Variants in THADA observed in about 807,000 individuals in gnomAD.
THADA encodes the protein tRNA (32-2'-O)-methyltransferase regulator THADA.
Under a neutral mutation model 219.8 loss-of-function variants are expected in THADA, and 213 were observed. The ratio of observed to expected loss-of-function variants is 0.97; its 90% confidence interval spans 0.87 to 1.09. The LOEUF (loss-of-function observed/expected upper bound fraction) is 1.09, where lower values mean the gene tolerates loss of function less well. Among genes scored for constraint, THADA ranks in the 50% least tolerant of loss-of-function variants. The pLI, the probability that THADA is intolerant of heterozygous loss-of-function variation, is 0.00. For missense variants in THADA, 2,956 were observed against 2,311.3 expected (o/e 1.28, Z -5.72); for synonymous variants, 1,018 against 828.9 (o/e 1.23, Z -3.92).
chr2:43,454,076 C>A (rs974759878), intron 26 of THADA, among the ~76,000 whole-genome samples: 1 of 152,138 alleles, frequency 6.6e-6, no homozygotes, highest in African/African-American at 2.4e-5. Flanking sequence ...CGCTATATTG[C>A]CCAAACTGGT....
intron 31 of THADA, among the ~76,000 whole-genome samples, chr2:43,301,171 G>A (rs1048332885): frequency 3.3e-5 from 5 of 152,144 alleles, no homozygotes; most frequent in South Asian, 2.1e-4. Flanking sequence ...ACTTTCACGC[G>A]GGTTGGCAGG....
intron 36 of THADA, among the ~76,000 whole-genome samples, chr2:43,257,995 G>A (rs570889697): frequency 2.2e-4 from 33 of 152,164 alleles, no homozygotes; most frequent in Non-Finnish European, 4.4e-4. Flanking sequence ...CTGAGGTGAC[G>A]TGTCATGCCC....
chr2:43,413,050 C>CA (rs1446004373), intron 28 of THADA, among the ~76,000 whole-genome samples: 1 of 152,082 alleles, frequency 6.6e-6, no homozygotes, highest in Admixed American at 6.6e-5. Context: ...GAGTTAAGGG[C>CA]ATTTGGGGTT....
intron 17 of THADA, among the ~76,000 whole-genome samples, chr2:43,552,724 T>C (rs111896638): frequency 3.4e-4 from 51 of 152,192 alleles, no homozygotes; most frequent in African/African-American, 1.2e-3. Context: ...ACATTTGAAG[T>C]ATACAATAGT....
At chr2:43,470,474 T>A (rs1037682984) in intron 26 of THADA, among the ~76,000 whole-genome samples, 1 of 152,164 alleles carries the variant, frequency 6.6e-6, no homozygotes, top group Admixed American at 6.5e-5. Flanking sequence ...TAAGGAATGT[T>A]ACTTAAGCAC....
In THADA at chr2:43,300,381, C is replaced by CTAT. The variant is rs552877629; in HGVS notation, c.4439-7171_4439-7169dup. 3.3e-5 allele frequency among the ~76,000 whole-genome samples: 5 copies of CTAT among 152,036 alleles called. No individual in the cohort carries two copies. In the East Asian group the frequency reaches 5.8e-4, roughly 18 times the overall value. ...ATTTAACTCTTTAATGAGGTAGGCT[C>CTAT]TATTATTATTATTATTCCCATTTTA... On this transcript the variant is annotated intron_variant, in intron 31 of 37. Transcript: ENST00000405975.
At chr2:43,392,101 A>T (rs1328289535) in intron 29 of THADA, among the ~76,000 whole-genome samples, 1 of 152,228 alleles carries the variant, frequency 6.6e-6, no homozygotes, top group Non-Finnish European at 1.5e-5. Flanking sequence ...GGAGACGGCC[A>T]ACATCTTAGG....
At chr2:43,501,157 T>A (rs1688901222) in intron 24 of THADA, among the ~76,000 whole-genome samples, 1 of 151,298 alleles carries the variant, frequency 6.6e-6, no homozygotes, top group South Asian at 2.1e-4. Context: ...AATAAAAAAA[T>A]TAGCTGGGCG....
intron 36 of THADA, 105 bp downstream of exon 36, chr2:43,279,660 C>T: frequency 7.1e-7 from 1 of 1,406,734 alleles, no homozygotes; most frequent in Non-Finnish European, 9.3e-7. Context: ...AGACACAGAC[C>T]AAATGACCAA....
intron 37 of THADA, 130 bp from the exon 38 acceptor site, chr2:43,231,473 G>A (rs1460780161): frequency 9.2e-6 from 8 of 865,814 alleles, no homozygotes; most frequent in South Asian, 6.8e-5. Flanking sequence ...GTGCACTCTT[G>A]CCTGTCAACA....
chr2:43,435,385 G>T (rs1679941932), intron 26 of THADA, among the ~76,000 whole-genome samples: 1 of 151,844 alleles, frequency 6.6e-6, no homozygotes, highest in South Asian at 2.1e-4. Flanking sequence ...CTTGAATCTG[G>T]GAGGTGGAGG....
At chr2:43,422,557 A>G (rs1677849004) in intron 28 of THADA, among the ~76,000 whole-genome samples, 1 of 152,230 alleles carries the variant, frequency 6.6e-6, no homozygotes, top group Non-Finnish European at 1.5e-5. Context: ...GTTCACCAGG[A>G]TATCTCATTC....
intron 26 of THADA, among the ~76,000 whole-genome samples, chr2:43,483,067 CT>C (rs1237330392): frequency 6.6e-6 from 1 of 152,114 alleles, no homozygotes; most frequent in African/African-American, 2.4e-5. Flanking sequence ...AGCAGATGTT[CT>C]TTTTATGTCC....
chr2:43,287,082 T>C, intron 34 of THADA, 21 bp from the exon 35 acceptor site: 1 of 1,598,400 alleles, frequency 6.3e-7, no homozygotes, highest in South Asian at 1.1e-5. Flanking sequence ...AAAATGTACC[T>C]ATCAGTAGTT....
At chr2:43,484,534 A>T (rs1415129912) in intron 26 of THADA, 1 of 169,102 alleles carries the variant, frequency 5.9e-6, no homozygotes, top group Non-Finnish European at 1.5e-5. Flanking sequence ...TTAGATTACC[A>T]TTAAATCCTC....
intron 17 of THADA, chr2:43,556,090 T>C (rs549493461): frequency 3.6e-6 from 3 of 831,344 alleles, no homozygotes; most frequent in East Asian, 5.1e-5. Context: ...GAGAAAGAGG[T>C]CATTCTCATT....
chr2:43,241,719 G>C (rs1417662014), intron 36 of THADA, among the ~76,000 whole-genome samples: 3 of 152,016 alleles, frequency 2.0e-5, no homozygotes, highest in Non-Finnish European at 4.4e-5. Flanking sequence ...GCAGAGCGGT[G>C]GCCACGCCTA....
chr2:43,508,668 C>T lies in THADA; in HGVS notation c.3487G>A (p.Gly1163Arg), dbSNP rs925987619. 1.2e-6 allele frequency: 2 copies of T among 1,613,322 alleles called. No individual in the cohort carries two copies. Among genetic ancestry groups the T allele is most frequent in the South Asian group, 2.2e-5 (2 of 90,998 alleles). The change falls in exon 23 of 38, where the codon GGA becomes AGA. Residue 1163 changes from glycine to arginine, a missense_variant. Transcript: ENST00000405975. Reference protein sequence around the residue: ...SKLCATRRSAGIPFYIQALLA... With the variant: ...SKLCATRRSARIPFYIQALLA... ...AATACCTGTATGTAGAAAGGAATTC[C>T]AGCACTGCGCCTTGTAGCACAGAGT...
intron 36 of THADA, among the ~76,000 whole-genome samples, chr2:43,262,512 G>C (rs1342898612): frequency 2.0e-5 from 3 of 152,116 alleles, no homozygotes; most frequent in African/African-American, 7.2e-5. Flanking sequence ...TCACTTGAGA[G>C]AGAAAAAAAC....
Sources: allele counts gnomAD v4.1 joint callset (sites outside exome capture counted in the v4.1 genomes callset), GRCh38; gene constraint gnomAD v4.1.1; transcripts MANE v1.5; gene names NCBI Gene and HGNC (gene_info 2026-07-23, HGNC 2026-07-21).